The following ABCA4 variants were observed in gnomAD, a reference collection of about 807,000 sequenced individuals.
ABCA4 encodes retinal-specific phospholipid-transporting ATPase ABCA4.
In ABCA4, 196 loss-of-function variants were observed where a neutral mutation model predicts 263.7. That is an observed-to-expected ratio of 0.74 (90% CI 0.66 to 0.84). The LOEUF (loss-of-function observed/expected upper bound fraction) is 0.84, where lower values mean the gene tolerates loss of function less well. ABCA4 is among the 40% of genes least tolerant of loss of function. The probability of loss-of-function intolerance (pLI) is 0.00; values close to 1 mark genes in which losing one functional copy is unlikely to be tolerated. For synonymous variants in ABCA4, 1,133 were observed against 1,094.2 expected (o/e 1.04, Z -0.70); for missense variants, 2,792 against 2,855.1 (o/e 0.98, Z 0.50).
chr1:94,112,865 G>A (rs1662647617), intron 2 of ABCA4, 108 bp downstream of exon 2: 1 of 811,768 alleles, frequency 1.2e-6, no homozygotes, highest in Non-Finnish European at 2.2e-6. Flanking sequence ...GACATGAAAT[G>A]ATGATAAGCA....
intron 13 of ABCA4, 86 bp downstream of exon 13, chr1:94,062,491 C>A (rs903528012): frequency 6.5e-7 from 1 of 1,533,136 alleles, no homozygotes; most frequent in Non-Finnish European, 9.0e-7. Flanking sequence ...GACATGGAAG[C>A]CTTGAGGGCA....
intron 6 of ABCA4, among the ~76,000 whole-genome samples, chr1:94,087,278 T>A (rs539619427): frequency 6.6e-6 from 1 of 152,316 alleles, no homozygotes; most frequent in East Asian, 1.9e-4. Context: ...ACATGAAGCA[T>A]AAGAAAGACC....
In ABCA4 at chr1:94,041,362, G is replaced by T; in HGVS notation, c.3369C>A (p.Ala1123=). The T allele has an allele frequency of 6.2e-7, 1 of 1,614,080 alleles. No individual in the cohort carries two copies. The change falls in exon 23 of 50, where the codon GCC becomes GCA. Residue 1123 remains alanine, a synonymous_variant. Transcript: ENST00000370225. ...IIMSTHHMDE[A]DLLGDRIAII... is the part of the protein sequence containing the mutation. ...TGGCAATGCGGTCCCCAAGGAGGTC[G>T]GCCTCGTCCATGTGGTGAGTGGACA...
chr1:94,087,862 T>A (rs1260418488), intron 6 of ABCA4, among the ~76,000 whole-genome samples: 1 of 152,186 alleles, frequency 6.6e-6, no homozygotes, highest in East Asian at 1.9e-4. Flanking sequence ...AACAAAGTCC[T>A]CCCTTCATGG....
At chr1:94,112,938 T>C (rs1227086653) in intron 2 of ABCA4, 35 bp downstream of exon 2, 5 of 1,565,384 alleles carry the variant, frequency 3.2e-6, no homozygotes, top group Middle Eastern at 1.7e-4. Context: ...CCAAAGTCTC[T>C]TCAGGGCTTG....
chr1:94,037,464 T>C (rs1660371698), intron 24 of ABCA4, 114 bp from the exon 25 acceptor site: 2 of 967,732 alleles, frequency 2.1e-6, no homozygotes, highest in Non-Finnish European at 3.2e-6. Context: ...AGGTATTTTG[T>C]ATCTCGGCAG....
intron 2 of ABCA4, among the ~76,000 whole-genome samples, chr1:94,112,296 T>C (rs1046595664): frequency 6.6e-6 from 1 of 152,270 alleles, no homozygotes; most frequent in Non-Finnish European, 1.5e-5. Flanking sequence ...TCTCTTGTCC[T>C]CATTTTTCTC....
chr1:94,066,916 G>A (rs1172116021), intron 11 of ABCA4, among the ~76,000 whole-genome samples: 29 of 152,362 alleles, frequency 1.9e-4, no homozygotes, highest in Admixed American at 1.7e-3. Flanking sequence ...TAATGCATCT[G>A]AGGCATTGTG....
intron 48 of ABCA4, among the ~76,000 whole-genome samples, chr1:93,996,815 GA>G (rs1410225617): frequency 2.6e-5 from 4 of 152,172 alleles, no homozygotes; most frequent in African/African-American, 9.7e-5. Flanking sequence ...AAAAAGGAAG[GA>G]AATTCTGGCA....
At chr1:94,111,716 G>A in intron 2 of ABCA4, 137 bp from the exon 3 acceptor site, 2 of 1,086,720 alleles carry the variant, frequency 1.8e-6, no homozygotes, top group South Asian at 2.6e-5. Context: ...TAAGAAGCAG[G>A]AGCATCTCAT....
At chr1:94,040,236 G>T in intron 23 of ABCA4, 109 bp from the exon 24 acceptor site, 1 of 875,996 alleles carries the variant, frequency 1.1e-6, no homozygotes, top group African/African-American at 1.7e-5. Context: ...TCACTGCCAA[G>T]TGTAGTCAAC....
chr1:94,079,528 G>C (rs1661632843), intron 8 of ABCA4, 67 bp from the exon 9 acceptor site: 2 of 1,605,626 alleles, frequency 1.2e-6, no homozygotes, highest in South Asian at 2.2e-5. Context: ...ATAGTCATTA[G>C]TGTATCCACA....
At chr1:94,116,736 C>G (rs1662774984) in intron 1 of ABCA4, among the ~76,000 whole-genome samples, 3 of 152,084 alleles carry the variant, frequency 2.0e-5, no homozygotes, top group Non-Finnish European at 4.4e-5. Flanking sequence ...CGCTTAACTG[C>G]GTACAGGCAT....
Position 94,033,298 on chromosome 1 carries a change from C to T in ABCA4, c.3863-1255G>A, listed in dbSNP as rs146274077. ...AATTAGCCAGGCACGGTGGCGTGTG[C>T]CTGTAGTCCCAGCTACTTGGGAGGC... On this transcript the variant is annotated intron_variant, in intron 26 of 49. Transcript: ENST00000370225. Among the ~76,000 whole-genome samples the T allele has an allele frequency of 2.8e-3, 424 of 151,988 alleles. 3 individuals carry two copies. The highest frequency in any genetic ancestry group is 0.02 in the South Asian group (98 of 4,796).
chr1:94,111,936 C>T lies in ABCA4; in HGVS notation c.161-357G>A, dbSNP rs149765549. 1.9e-4 allele frequency among the ~76,000 whole-genome samples: 29 copies of T among 152,324 alleles called. No homozygotes were observed. The East Asian group carries it at 5.0e-3, about 26-fold the overall frequency. On this transcript the variant is annotated intron_variant, in intron 2 of 49. Coordinates refer to ENST00000370225, the MANE Select transcript of ABCA4 (RefSeq NM_000350.3). ...TGCTGCTGCTGCTTGAGCAGACGCT[C>T]GTCTATTCCTTCAACCACGGTGAAC... is the stretch of plus-strand genomic sequence containing the variant.
chr1:94,023,490 A>T (rs1333355376), intron 31 of ABCA4, 72 bp from the exon 32 acceptor site: 1 of 1,319,204 alleles, frequency 7.6e-7, no homozygotes, highest in Non-Finnish European at 1.1e-6. Context: ...TTTCCCAAAC[A>T]TTCATTTTGA....
chr1:94,017,693 A>G (rs186902500), intron 36 of ABCA4, among the ~76,000 whole-genome samples: 1 of 152,236 alleles, frequency 6.6e-6, no homozygotes, highest in African/African-American at 2.4e-5. Flanking sequence ...CCTCGTTTGT[A>G]GGAAGTATAC....
chr1:94,115,478 G>T (rs1374822746), intron 1 of ABCA4, among the ~76,000 whole-genome samples: 1 of 152,064 alleles, frequency 6.6e-6, no homozygotes, highest in Admixed American at 6.6e-5. Context: ...TTCCTACAGT[G>T]TACACTCAGG....
At position 94,083,437 on chromosome 1, in the gene ABCA4, G is replaced by T; in HGVS notation, c.773C>A (p.Pro258His). 6.2e-7 allele frequency: 1 copy of T among 1,612,754 alleles called. No homozygotes were observed. The highest frequency in any genetic ancestry group is 2.2e-5 in the East Asian group (1 of 44,850). The change falls in exon 7 of 50, where the codon CCC becomes CAC. Residue 258 changes from proline (P) to histidine (H), a missense_variant. By Grantham distance (77) the Pro-to-His change is moderately conservative. Coordinates refer to ENST00000370225, the MANE Select transcript of ABCA4 (RefSeq NM_000350.3). ...TTGAGAACGGCTGTCTAGGAGTGTGGGAAGCTGTAATTGACAGTAAAACAA... is the reference window on the plus strand; with the variant it reads ...TTGAGAACGGCTGTCTAGGAGTGTGTGAAGCTGTAATTGACAGTAAAACAA... ...VDFFKLFRVL[P>H]TLLDSRSQGI... is the part of the protein sequence containing the mutation.
Sources: allele counts gnomAD v4.1 joint callset (sites outside exome capture counted in the v4.1 genomes callset), GRCh38; gene constraint gnomAD v4.1.1; transcripts MANE v1.5; gene names NCBI Gene and HGNC (gene_info 2026-07-23, HGNC 2026-07-21).